Variants in MIS18A observed in about 807,000 individuals in gnomAD.
MIS18A encodes the protein protein Mis18-alpha.
MIS18A carries 14 observed loss-of-function variants against 25.0 expected under a neutral mutation model. That is an observed-to-expected ratio of 0.56 (90% CI 0.37 to 0.88). The LOEUF is 0.88. MIS18A is among the 40% of genes least tolerant of loss of function. The pLI is 0.00. For synonymous variants in MIS18A, 134 were observed against 118.6 expected (o/e 1.13, Z -0.84); for missense variants, 292 against 290.8 (o/e 1.00, Z -0.03).
chr21:32,200,571 C>G, the MIS18A span, among the ~76,000 whole-genome samples: 1 of 151,842 alleles, frequency 6.6e-6, no homozygotes, highest in African/African-American at 2.4e-5. Context: ...GTAGCTGGGA[C>G]TACAGGCATC....
In MIS18A at chr21:32,270,350, G is replaced by A. The variant is rs933835475; in HGVS notation, c.524+57C>T. 4.2e-5 allele frequency: 67 copies of A among 1,588,360 alleles called. No individual in the cohort carries two copies. In the Admixed American group the frequency reaches 7.8e-4, roughly 18 times the overall value. On this transcript the variant is annotated intron_variant, in intron 3 of 4. Transcript: ENST00000290130. Reference sequence around the variant, plus strand: ...GTATTGATTTAGTTCTGACAATTCCGTGCCTTAACTTTCTGAAACACCAGT... The same window carrying A: ...GTATTGATTTAGTTCTGACAATTCCATGCCTTAACTTTCTGAAACACCAGT...
chr21:32,265,811 G>T (rs979992515), downstream of MIS18A, among the ~76,000 whole-genome samples: 1 of 152,258 alleles, frequency 6.6e-6, no homozygotes, highest in African/African-American at 2.4e-5. Flanking sequence ...TGGTGGGGAC[G>T]TGGAGAGTCT....
the MIS18A span, among the ~76,000 whole-genome samples, chr21:32,252,335 A>G: frequency 2.0e-5 from 3 of 149,202 alleles, no homozygotes; most frequent in Non-Finnish European, 4.5e-5. Flanking sequence ...AAGGAAGGAA[A>G]GAATGAATGA....
At chr21:32,192,158 T>G in the MIS18A span, among the ~76,000 whole-genome samples, 1 of 152,178 alleles carries the variant, frequency 6.6e-6, no homozygotes, top group Admixed American at 6.5e-5. Context: ...TGTGCCCAGA[T>G]GCACCCCACT....
the MIS18A span, among the ~76,000 whole-genome samples, chr21:32,171,433 A>G: frequency 6.6e-6 from 1 of 152,086 alleles, no homozygotes; most frequent in Non-Finnish European, 1.5e-5. Flanking sequence ...AAACAAATTT[A>G]ACAAAACAAG....
At chr21:32,252,230 AAGAAGAAGAAGGAGGAGGAGGAGGAGG>A in the MIS18A span, among the ~76,000 whole-genome samples, 123 of 92,334 alleles carry the variant, frequency 1.3e-3, no homozygotes, top group Non-Finnish European at 1.7e-3. Context: ...GAAGAAGAAG[AAGAAGAAGAAGGAGGAGGAGGAGGAGG>A]AGGAGGAGGA....
chr21:32,235,367 G>A, the MIS18A span, among the ~76,000 whole-genome samples: 11 of 152,134 alleles, frequency 7.2e-5, no homozygotes, highest in Non-Finnish European at 1.3e-4. Flanking sequence ...AGCTGAAATT[G>A]GGCTGCAGCT....
downstream of MIS18A, among the ~76,000 whole-genome samples, chr21:32,263,746 A>C (rs2031548561): frequency 6.6e-6 from 1 of 152,096 alleles, no homozygotes; most frequent in Non-Finnish European, 1.5e-5. Context: ...CTTTAAGTCA[A>C]ACAGTATAAA....
chr21:32,206,622 T>C, the MIS18A span, among the ~76,000 whole-genome samples: 2 of 152,122 alleles, frequency 1.3e-5, no homozygotes, highest in East Asian at 3.9e-4. Flanking sequence ...CACTGAAGAC[T>C]GATTTAACAA....
the MIS18A span, among the ~76,000 whole-genome samples, chr21:32,206,360 T>G: frequency 8.2e-4 from 125 of 152,286 alleles, 1 homozygote; most frequent in Admixed American, 5.0e-3. Context: ...CTCCCTAGAC[T>G]TCTACAGTCT....
the MIS18A span, among the ~76,000 whole-genome samples, chr21:32,188,053 C>T: frequency 6.6e-6 from 1 of 152,076 alleles, no homozygotes; most frequent in Non-Finnish European, 1.5e-5. Context: ...CATGCGAAGA[C>T]ACAGCAAGAA....
downstream of MIS18A, among the ~76,000 whole-genome samples, chr21:32,265,564 C>T (rs1664868351): frequency 2.0e-5 from 3 of 152,352 alleles, no homozygotes; most frequent in South Asian, 6.2e-4. Flanking sequence ...TAGCTGCCTT[C>T]CCGCGGGGCA....
chr21:32,156,829 C>T, the MIS18A span, among the ~76,000 whole-genome samples: 1 of 151,458 alleles, frequency 6.6e-6, no homozygotes, highest in East Asian at 1.9e-4. Flanking sequence ...ACCCCCTTAA[C>T]CCCCAAATTG....
At chr21:32,240,662 A>G in the MIS18A span, among the ~76,000 whole-genome samples, 1 of 152,216 alleles carries the variant, frequency 6.6e-6, no homozygotes, top group Admixed American at 6.5e-5. Context: ...TTGGATGTAC[A>G]ATATATGTTG....
the MIS18A span, among the ~76,000 whole-genome samples, chr21:32,210,430 T>C: frequency 6.6e-6 from 1 of 152,336 alleles, no homozygotes; most frequent in African/African-American, 2.4e-5. Context: ...TCTTCATCTC[T>C]AGCAGCCATT....
the MIS18A span, among the ~76,000 whole-genome samples, chr21:32,233,366 A>T: frequency 6.6e-6 from 1 of 151,950 alleles, no homozygotes; most frequent in African/African-American, 2.4e-5. Context: ...TAGCAAATTA[A>T]TTGTACCGTG....
At chr21:32,246,454 G>A in the MIS18A span, among the ~76,000 whole-genome samples, 1 of 152,080 alleles carries the variant, frequency 6.6e-6, no homozygotes, top group Admixed American at 6.6e-5. Context: ...CTCTCCTTTT[G>A]TCTTGGTTTA....
chr21:32,234,150 T>C, the MIS18A span, among the ~76,000 whole-genome samples: 1 of 152,202 alleles, frequency 6.6e-6, no homozygotes, highest in African/African-American at 2.4e-5. Flanking sequence ...ATAGGGGAAA[T>C]AGTACAGGGA....
At chr21:32,254,111 G>C in the MIS18A span, among the ~76,000 whole-genome samples, 1 of 152,080 alleles carries the variant, frequency 6.6e-6, no homozygotes, top group Non-Finnish European at 1.5e-5. Context: ...TGTGCCTGTA[G>C]TCCCAGTTAC....
Sources: allele counts gnomAD v4.1 joint callset (sites outside exome capture counted in the v4.1 genomes callset), GRCh38; gene constraint gnomAD v4.1.1; transcripts MANE v1.5; gene names NCBI Gene and HGNC (gene_info 2026-07-23, HGNC 2026-07-21).